The following PMEPA1 variants were observed in gnomAD, a reference collection of about 807,000 sequenced individuals.
PMEPA1 encodes protein TMEPAI.
PMEPA1 carries 11 observed loss-of-function variants against 23.0 expected under a neutral mutation model. The ratio of observed to expected loss-of-function variants is 0.48; its 90% CI spans 0.30 to 0.79. The LOEUF (loss-of-function observed/expected upper bound fraction) is 0.79, where lower values mean the gene tolerates loss of function less well. PMEPA1 is among the 30% of genes least tolerant of loss of function. The pLI is 0.06. For missense variants in PMEPA1, 377 were observed against 390.9 expected (o/e 0.96, Z 0.30); for synonymous variants, 204 against 166.4 (o/e 1.23, Z -1.74).
rs1392469320 is a variant in PMEPA1, at chr20:57,683,729, C to T, written c.110-24032G>A. On this transcript the variant is annotated intron_variant, in intron 1 of 3. Coordinates refer to ENST00000341744, the MANE Select transcript of PMEPA1 (RefSeq NM_020182.5). This position sits in a 1 kb window ranked among gnomAD's most constrained non-coding sequence, Gnocchi z 4.3. ...GCACAGTCACCCCACTTCCCCACTC[C>T]GCGGGGAAATTTACAGGCTTCCAGG... is the stretch of plus-strand genomic sequence containing the variant. Among the ~76,000 whole-genome samples, 3 of 151,960 alleles carry T rather than the reference C, an allele frequency of 2.0e-5. No homozygotes were observed. The highest frequency in any genetic ancestry group is 2.0e-4 in the Admixed American group (3 of 15,266).
intron 1 of PMEPA1, among the ~76,000 whole-genome samples, chr20:57,701,002 C>A (rs1304398891): frequency 6.6e-6 from 1 of 151,450 alleles, no homozygotes; most frequent in Non-Finnish European, 1.5e-5. Flanking sequence ...TGCACTCCAG[C>A]CTGGGTGACA....
chr20:57,666,453 G>A (rs761373330), intron 1 of PMEPA1, among the ~76,000 whole-genome samples: 4 of 152,164 alleles, frequency 2.6e-5, no homozygotes, highest in Non-Finnish European at 5.9e-5. Flanking sequence ...GGCTGGGAGA[G>A]GTGAGGCGAC....
chr20:57,710,222 C>T (rs1333772705), upstream of PMEPA1: 4 of 515,476 alleles, frequency 7.8e-6, no homozygotes, highest in African/African-American at 2.0e-5. Context: ...GCGCTGTGCC[C>T]TCTCCCCAAC....
At chr20:57,671,896 T>A (rs971581220) in intron 1 of PMEPA1, among the ~76,000 whole-genome samples, 1 of 152,216 alleles carries the variant, frequency 6.6e-6, no homozygotes, top group African/African-American at 2.4e-5. Context: ...AAGTCACCCC[T>A]GGCTAAGAAC....
chr20:57,665,739 C>A (rs561512785), intron 1 of PMEPA1, among the ~76,000 whole-genome samples: 20 of 152,202 alleles, frequency 1.3e-4, no homozygotes, highest in Admixed American at 2.0e-4. Context: ...TGGCTTCTGT[C>A]CCCAAGGTGG....
At chr20:57,688,348 T>TGGA (rs1555882558) in intron 1 of PMEPA1, among the ~76,000 whole-genome samples, 1 of 151,262 alleles carries the variant, frequency 6.6e-6, no homozygotes, top group Non-Finnish European at 1.5e-5. Context: ...GACACTTCTT[T>TGGA]GTGGGGTGGG....
chr20:57,651,970 C>CAGCA lies in PMEPA1; in HGVS notation c.*82_*83insTGCT. On this transcript the variant is annotated 3_prime_UTR_variant, in exon 4 of 4. Transcript: ENST00000341744. ...ACACGATGCGTTGCTGCGCCCCCCG[C>CAGCA]CTTCCTCTCACTCCTCTTCTAAGAA... 2 of 1,230,586 alleles carry CAGCA rather than the reference C, an allele frequency of 1.6e-6. No individual in the cohort carries two copies. Among genetic ancestry groups the CAGCA allele is most frequent in the Non-Finnish European group, 2.2e-6 (2 of 912,782 alleles). 76.2% of individuals were successfully genotyped at this position (1,230,586 alleles called of 1,614,324 possible).
rs201061935 is a variant in PMEPA1 at position 57,705,670 on chromosome 20, C to T, written c.109+3804G>A. Among the ~76,000 whole-genome samples, 26 of 152,302 alleles carry T rather than the reference C, an allele frequency of 1.7e-4. No homozygotes were observed. In the East Asian group the frequency reaches 3.1e-3, roughly 18 times the overall value. ...GGCCTTCACAGGGACGAACGTCTGA[C>T]GGGAATTAAGGGTCTCCTGGCAACG... On this transcript the variant is annotated intron_variant, in intron 1 of 3. Coordinates refer to ENST00000341744, the MANE Select transcript of PMEPA1 (RefSeq NM_020182.5).
chr20:57,690,296 G>A (rs898702016), intron 1 of PMEPA1: 2 of 605,812 alleles, frequency 3.3e-6, no homozygotes, highest in Non-Finnish European at 2.8e-6. Context: ...GGGGGGGCCG[G>A]GCCCAGTGCC....
chr20:57,689,360 G>C (rs2071845665), intron 1 of PMEPA1, among the ~76,000 whole-genome samples: 1 of 152,194 alleles, frequency 6.6e-6, no homozygotes, highest in South Asian at 2.1e-4. Flanking sequence ...ACGTGAGAAG[G>C]GGGTATTGTG....
chr20:57,693,867 G>A (rs997542377), intron 1 of PMEPA1, among the ~76,000 whole-genome samples: 1 of 152,206 alleles, frequency 6.6e-6, no homozygotes, highest in Non-Finnish European at 1.5e-5. Context: ...TGGTGACGGG[G>A]CACCAAGGAA....
rs369789393 is a variant in PMEPA1 at position 57,662,093 on chromosome 20, A to T, written c.110-2396T>A. On this transcript the variant is annotated intron_variant, in intron 1 of 3. Transcript: ENST00000341744. ...TCAGCGCGCCATTGTCTACACTGCT[A>T]ATGAGCCAGTGTTTCTCAGCTGGGG... Among the ~76,000 whole-genome samples the T allele has an allele frequency of 9.9e-5, 15 of 152,062 alleles. No individual in the cohort carries two copies. The South Asian group carries it at 3.1e-3, about 32-fold the overall frequency.
At chr20:57,653,192 T>G in intron 2 of PMEPA1, 106 bp from the exon 3 acceptor site, 1 of 927,650 alleles carries the variant, frequency 1.1e-6, no homozygotes, top group Non-Finnish European at 1.7e-6. Context: ...AATCAGCTCT[T>G]GAACCCGCCC....
intron 1 of PMEPA1, among the ~76,000 whole-genome samples, chr20:57,707,320 C>T (rs774693640): frequency 5.3e-5 from 8 of 152,172 alleles, no homozygotes; most frequent in Admixed American, 1.3e-4. Context: ...CCTAGTCTCT[C>T]GGGGAAATCT....
At chr20:57,676,438 G>A (rs372879) in intron 1 of PMEPA1, among the ~76,000 whole-genome samples, 6 of 152,224 alleles carry the variant, frequency 3.9e-5, no homozygotes, top group Non-Finnish European at 8.8e-5. Flanking sequence ...CATGCTGACC[G>A]GGCAAGCATG....
chr20:57,653,114 G>T (rs1276152128), intron 2 of PMEPA1, 28 bp from the exon 3 acceptor site: 1 of 1,556,242 alleles, frequency 6.4e-7, no homozygotes, highest in South Asian at 1.2e-5. Context: ...TACAAGCAGG[G>T]TCAGTGGGGT....
Position 57,652,665 on chromosome 20 carries a change from G to C in PMEPA1, c.319-67C>G. ...AGGTGGGTTGTCCAGAAGCGATCCTGAGACTGGAGTTCTGCTGCATGGGAC... is the reference window on the plus strand; with the variant it reads ...AGGTGGGTTGTCCAGAAGCGATCCTCAGACTGGAGTTCTGCTGCATGGGAC... On this transcript the variant is annotated intron_variant, in intron 3 of 3. Coordinates refer to ENST00000341744, the MANE Select transcript of PMEPA1 (RefSeq NM_020182.5). This position sits in a 1 kb window ranked among gnomAD's most constrained non-coding sequence, Gnocchi z 6.1. The C allele has an allele frequency of 7.8e-7, 1 of 1,279,528 alleles. No individual in the cohort carries two copies. Among genetic ancestry groups the C allele is most frequent in the South Asian group, 1.5e-5 (1 of 64,752 alleles). The allele number at this position is 1,279,528 out of a possible 1,614,324, so 79.3% of individuals were successfully genotyped here. A position where few individuals can be genotyped will look rare whatever the true frequency, so the allele number is the denominator to read the frequency against.
intron 1 of PMEPA1, among the ~76,000 whole-genome samples, chr20:57,664,471 G>T (rs1037294688): frequency 6.6e-6 from 1 of 152,200 alleles, no homozygotes; most frequent in Non-Finnish European, 1.5e-5. Context: ...CAAAGGCCTT[G>T]GAGTCAAGTT....
chr20:57,661,380 G>A (rs1349381638), intron 1 of PMEPA1, among the ~76,000 whole-genome samples: 4 of 152,200 alleles, frequency 2.6e-5, no homozygotes, highest in Non-Finnish European at 4.4e-5. Context: ...AGCCGGCAGC[G>A]TCCGGGGCCA....
Sources: allele counts gnomAD v4.1 joint callset (sites outside exome capture counted in the v4.1 genomes callset), GRCh38; gene constraint gnomAD v4.1.1; non-coding constraint Gnocchi (gnomAD v3.1); transcripts MANE v1.5; gene names NCBI Gene and HGNC (gene_info 2026-07-23, HGNC 2026-07-21).